Variants in CDC42SE2 observed in about 807,000 individuals in gnomAD.
The protein encoded by CDC42SE2 is CDC42 small effector protein 2.
A neutral mutation model predicts 11.5 loss-of-function variants in CDC42SE2; 3 were observed. The observed-to-expected ratio is 0.26, with a 90% CI of 0.12 to 0.67. CDC42SE2 has a LOEUF of 0.67. CDC42SE2 is among the 30% of genes least tolerant of loss of function. The probability of loss-of-function intolerance (pLI) is 0.80; values close to 1 mark genes in which losing one functional copy is unlikely to be tolerated. For synonymous variants in CDC42SE2, 33 were observed against 34.8 expected, an observed-to-expected ratio of 0.95 and a Z score of 0.18; for missense variants, 82 against 106.8, an observed-to-expected ratio of 0.77 and a Z score of 1.02.
At chr5:131,277,103 C>T (rs1269238076) in intron 1 of CDC42SE2, among the ~76,000 whole-genome samples, 2 of 152,168 alleles carry the variant, frequency 1.3e-5, no homozygotes, top group African/African-American at 4.8e-5. Flanking sequence ...GGATGACACA[C>T]TAGAAGTGTT....
chr5:131,322,453 A>G (rs982406448), intron 2 of CDC42SE2, among the ~76,000 whole-genome samples: 1 of 152,168 alleles, frequency 6.6e-6, no homozygotes, highest in African/African-American at 2.4e-5. Context: ...TTCACTTAGT[A>G]TAGTGTTCGT....
At chr5:131,225,612 T>C in the CDC42SE2 span, among the ~76,000 whole-genome samples, 33 of 152,342 alleles carry the variant, frequency 2.2e-4, no homozygotes, top group African/African-American at 7.7e-4. Context: ...CATTGACCTC[T>C]ATGTTCCGCC....
chr5:131,244,327 A>G (rs1397678148), upstream of CDC42SE2, among the ~76,000 whole-genome samples: 2 of 152,250 alleles, frequency 1.3e-5, no homozygotes, highest in African/African-American at 4.8e-5. Flanking sequence ...AGAAGATTTG[A>G]ACAATATGGT....
At chr5:131,221,985 A>C in the CDC42SE2 span, among the ~76,000 whole-genome samples, 1 of 152,252 alleles carries the variant, frequency 6.6e-6, no homozygotes, top group Non-Finnish European at 1.5e-5. Flanking sequence ...AATATGAAGA[A>C]TATTTAGTCA....
chr5:131,214,736 G>C, the CDC42SE2 span, among the ~76,000 whole-genome samples: 38 of 152,258 alleles, frequency 2.5e-4, no homozygotes, highest in Admixed American at 2.1e-3. Context: ...AAGGGGACCA[G>C]GCTTTTGTTC....
the CDC42SE2 span, among the ~76,000 whole-genome samples, chr5:131,221,070 G>A: frequency 6.6e-6 from 1 of 151,980 alleles, no homozygotes; most frequent in East Asian, 1.9e-4. Flanking sequence ...ATTATTAATA[G>A]AGATGGGGTT....
intron 3 of CDC42SE2, among the ~76,000 whole-genome samples, chr5:131,369,807 G>A (rs1197849523): frequency 6.6e-6 from 1 of 152,174 alleles, no homozygotes; most frequent in Non-Finnish European, 1.5e-5. Flanking sequence ...TTCTATTACA[G>A]TGTAAGACTA....
At chr5:131,235,803 C>T in the CDC42SE2 span, among the ~76,000 whole-genome samples, 3 of 151,976 alleles carry the variant, frequency 2.0e-5, no homozygotes, top group East Asian at 3.9e-4. Context: ...CTATGTTGGC[C>T]GGGCTGCTCT....
intron 3 of CDC42SE2, among the ~76,000 whole-genome samples, chr5:131,371,622 C>A (rs2149780239): frequency 6.6e-6 from 1 of 152,306 alleles, no homozygotes; most frequent in African/African-American, 2.4e-5. Context: ...TGCATGTGGG[C>A]ATGCGTGCAT....
intron 2 of CDC42SE2, among the ~76,000 whole-genome samples, chr5:131,344,608 C>T (rs1758795140): frequency 6.6e-6 from 1 of 152,180 alleles, no homozygotes; most frequent in East Asian, 1.9e-4. Flanking sequence ...GCAGAAACTT[C>T]TGCACACTTA....
At chr5:131,311,459 C>A (rs962920532) in intron 1 of CDC42SE2, among the ~76,000 whole-genome samples, 2 of 151,336 alleles carry the variant, frequency 1.3e-5, no homozygotes, top group Non-Finnish European at 2.9e-5. Context: ...TTGTGGCGTT[C>A]TCTGTATTTC....
intron 1 of CDC42SE2, among the ~76,000 whole-genome samples, chr5:131,282,964 G>A (rs1419725968): frequency 1.5e-5 from 2 of 136,690 alleles, no homozygotes; most frequent in Admixed American, 1.6e-4. Flanking sequence ...GTTCACTCTT[G>A]TTGCCCAGGC....
intron 2 of CDC42SE2, among the ~76,000 whole-genome samples, chr5:131,348,294 ATG>A (rs1321295659): frequency 1.3e-5 from 2 of 152,218 alleles, no homozygotes; most frequent in Non-Finnish European, 2.9e-5. Flanking sequence ...AACTTCAGCA[ATG>A]TCTCACGATA....
At chr5:131,348,489 AG>A (rs1270298691) in intron 2 of CDC42SE2, among the ~76,000 whole-genome samples, 6 of 152,218 alleles carry the variant, frequency 3.9e-5, no homozygotes, top group African/African-American at 1.4e-4. Flanking sequence ...ATGAAATAAA[AG>A]GGGATACAAA....
At chr5:131,211,423 T>C in the CDC42SE2 span, among the ~76,000 whole-genome samples, 2 of 152,256 alleles carry the variant, frequency 1.3e-5, no homozygotes, top group African/African-American at 4.8e-5. Flanking sequence ...ATTTCACCAT[T>C]TAAAGATTCT....
At chr5:131,383,175 G>T (rs558371018) in intron 3 of CDC42SE2, among the ~76,000 whole-genome samples, 2 of 152,182 alleles carry the variant, frequency 1.3e-5, no homozygotes, top group Non-Finnish European at 2.9e-5. Context: ...GATGGTTGTG[G>T]GTGTCAAGTC....
At chr5:131,250,968 G>A (rs950923061) in intron 1 of CDC42SE2, among the ~76,000 whole-genome samples, 8 of 152,064 alleles carry the variant, frequency 5.3e-5, no homozygotes, top group African/African-American at 1.4e-4. Context: ...TTGGAGGGAC[G>A]GACAGAGAGG....
At chr5:131,337,390 C>T (rs931657843) in intron 2 of CDC42SE2, among the ~76,000 whole-genome samples, 1 of 152,204 alleles carries the variant, frequency 6.6e-6, no homozygotes, top group Non-Finnish European at 1.5e-5. Context: ...CTGGGGGGTG[C>T]CTCCCAGTTA....
rs1163362636 is a variant in CDC42SE2 at position 131,393,181 on chromosome 5, A to G, written c.*2090A>G. 3 of 152,374 alleles carry G rather than the reference A, an allele frequency of 2.0e-5. No individual in the cohort carries two copies. The allele number at this position is 152,374 out of a possible 1,614,324, so 9.4% of individuals were successfully genotyped here. On this transcript the variant is annotated 3_prime_UTR_variant, in exon 5 of 5. Transcript: ENST00000505065. ...TTCATATAACAAATGGGGCTTAATT[A>G]AAAACTTTAACTTGGAATAAAGGAA...
Sources: gnomAD v4.1 joint callset for allele counts (sites outside exome capture counted in the v4.1 genomes callset) on GRCh38, gnomAD v4.1.1 for gene constraint, MANE v1.5 for transcripts, NCBI Gene and HGNC (gene_info 2026-07-23, HGNC 2026-07-21) for gene names.